Variants in TTN observed in about 807,000 individuals in gnomAD.
TTN encodes the protein titin.
A neutral mutation model predicts 3,223.0 loss-of-function variants in TTN; 1,525 were observed. That is an observed-to-expected ratio of 0.47 (90% CI 0.45 to 0.49). The LOEUF (loss-of-function observed/expected upper bound fraction) is 0.49, where lower values mean the gene tolerates loss of function less well. Among genes scored for constraint, TTN ranks in the 20% least tolerant of loss-of-function variants. The probability of loss-of-function intolerance (pLI) is 0.00; values close to 1 mark genes in which losing one functional copy is unlikely to be tolerated. For missense variants in TTN, 40,786 were observed against 43,424.0 expected (o/e 0.94, Z 5.40); for synonymous variants, 14,094 against 15,161.0 (o/e 0.93, Z 5.17).
intron 326 of TTN, chr2:178,558,874 G>T: frequency 8.0e-6 from 4 of 498,342 alleles, no homozygotes; most frequent in Non-Finnish European, 1.0e-5. Flanking sequence ...CAGATTAAAT[G>T]ATAAAATTTA....
chr2:178,541,074 G>A (rs952345246), intron 350 of TTN: 7 of 398,814 alleles, frequency 1.8e-5, no homozygotes, highest in African/African-American at 8.2e-5. Context: ...GCCAGAAATC[G>A]CTAGCAGCTG....
chr2:178,723,093 T>G lies in TTN; in HGVS notation c.21914A>C (p.Glu7305Ala), dbSNP rs1553911785. 2.5e-6 allele frequency: 4 copies of G among 1,613,654 alleles called. No homozygotes were observed. In the East Asian group the frequency reaches 8.9e-5, roughly 36 times the overall value. The change falls in exon 75 of 363, where the codon GAA (glutamate) becomes GCA (alanine). Residue 7305 changes from glutamate (E) to alanine (A), a missense_variant. By Grantham distance (107) the Glu-to-Ala change is moderately radical. Coordinates refer to ENST00000589042, the MANE Select transcript of TTN (RefSeq NM_001267550.2). ...RDAGQYSCEI[E>A]NEAGRDVCGA... ...ACAAACATCCCTTCCTGCCTCATTTTCAATCTCGCAGGAATACTGCCCTGC... is the reference window on the plus strand; with the variant it reads ...ACAAACATCCCTTCCTGCCTCATTTGCAATCTCGCAGGAATACTGCCCTGC...
Position 178,681,191 on chromosome 2 carries a change from TA to T in TTN, c.33248-21del, listed in dbSNP as rs746557991. Reference sequence around the variant, plus strand: ...CAGGCACTTTAAAGATATTAATTATTAAAGAGCATTAAAACCAACTCCTTGA... The same window carrying T: ...CAGGCACTTTAAAGATATTAATTATTAAGAGCATTAAAACCAACTCCTTGA... On this transcript the variant is annotated intron_variant, in intron 137 of 362. Coordinates refer to ENST00000589042, the MANE Select transcript of TTN (RefSeq NM_001267550.2). 1 of 1,578,972 alleles carries T rather than the reference TA, an allele frequency of 6.3e-7. No individual in the cohort carries two copies. The highest frequency in any genetic ancestry group is 1.9e-5 in the Admixed American group (1 of 53,092).
rs2057560011 is a variant in TTN, at chr2:178,617,491, T to C, written c.47594A>G (p.Asn15865Ser). Residue 15865 changes from asparagine to serine, a missense_variant, in exon 254 of 363, where the codon AAC (asparagine) becomes AGC (serine). By Grantham distance (46) the Asn-to-Ser change is conservative. Coordinates refer to ENST00000589042, the MANE Select transcript of TTN (RefSeq NM_001267550.2). ...DPIERPSPPV[N>S]LTSSDQTQSS... ...CTGAGTCTGATCTGAGGAAGTTAGG[T>C]TTACAGGAGGACTTGGTCTCTCTGG... The C allele has an allele frequency of 1.3e-6, 2 of 1,590,248 alleles. No individual in the cohort carries two copies.
intron 8 of TTN, 95 bp from the exon 9 acceptor site, chr2:178,793,636 TAA>T (rs1445706415): frequency 6.4e-7 from 1 of 1,562,790 alleles, no homozygotes; most frequent in East Asian, 2.3e-5. Context: ...AATCCTCTAC[TAA>T]AAAATACAAA....
In TTN at chr2:178,590,909, C is replaced by T. The variant is rs727504529; in HGVS notation, c.60816G>A (p.Pro20272=). The T allele has an allele frequency of 2.2e-5, 36 of 1,612,174 alleles. No homozygotes were observed. In the Middle Eastern group the frequency reaches 1.3e-3, roughly 59 times the overall value. Residue 20272 remains proline (P), a synonymous_variant, in exon 304 of 363, where the codon CCG becomes CCA. Coordinates refer to ENST00000589042, the MANE Select transcript of TTN (RefSeq NM_001267550.2). ...PTVAKHKFSP[P]SPPGKPVVTD... ...TAACCACTGGTTTACCAGGAGGAGA[C>T]GGAGGACTAAATTTATGCTTAGCAA...
At position 178,729,517 on chromosome 2, in the gene TTN, A is replaced by G. The variant is rs1578138382; in HGVS notation, c.18639T>C (p.Tyr6213=). The change falls in exon 64 of 363, where the codon TAT becomes TAC. Residue 6213 remains tyrosine, a synonymous_variant. Transcript: ENST00000589042. ...RELKPVEVVK[Y]SDVELECEVT... is the part of the protein sequence containing the mutation. ...CTTCACACTCCAGCTCCACGTCACT[A>G]TATTTTACTACCTCCACAGGCTTCA... The G allele has an allele frequency of 6.2e-7, 1 of 1,613,576 alleles. No homozygotes were observed. Among genetic ancestry groups the G allele is most frequent in the Non-Finnish European group, 8.5e-7 (1 of 1,179,640 alleles).
At chr2:178,743,111 G>C (rs1411744141) in intron 47 of TTN, 1 of 151,956 alleles carries the variant, frequency 6.6e-6, no homozygotes, top group Non-Finnish European at 1.5e-5. Context: ...TCTGTAAAGG[G>C]AGTGAATGTG....
intron 217 of TTN, among the ~76,000 whole-genome samples, chr2:178,645,501 G>A (rs2061798873): frequency 6.6e-6 from 1 of 152,006 alleles, no homozygotes; most frequent in South Asian, 2.1e-4. Context: ...AATTCTTTAA[G>A]AACAAAGTTT....
intron 98 of TTN, among the ~76,000 whole-genome samples, chr2:178,710,275 G>A (rs779435803): frequency 1.3e-4 from 20 of 152,036 alleles, no homozygotes; most frequent in Non-Finnish European, 1.6e-4. Flanking sequence ...GTGAAACCCC[G>A]TTTCTACCAA....
rs747241356 is a variant in TTN at position 178,610,359 on chromosome 2, G to T, written c.51167C>A (p.Ala17056Glu). The change falls in exon 271 of 363, where the codon GCA (alanine) becomes GAA (glutamate). Residue 17056 changes from alanine to glutamate, a missense_variant. Coordinates refer to ENST00000589042, the MANE Select transcript of TTN (RefSeq NM_001267550.2). ...ACAAGAACTCTTGGTAATGTCACTT[G>T]CTTTAATATCTTTGCATGGTCCAGG... ...GLPGPCKDIK[A>E]SDITKSSCKL... 6 of 1,612,666 alleles carry T rather than the reference G, an allele frequency of 3.7e-6. 1 individual carries two copies. The South Asian group carries it at 5.5e-5, about 15-fold the overall frequency.
intron 47 of TTN, among the ~76,000 whole-genome samples, chr2:178,743,387 A>T (rs972407061): frequency 6.6e-6 from 1 of 151,970 alleles, no homozygotes; most frequent in Non-Finnish European, 1.5e-5. Context: ...TGAGTCAGAA[A>T]ATAAAAAATT....
Position 178,780,053 on chromosome 2 carries a change from T to C in TTN, c.3676A>G (p.Arg1226Gly), listed in dbSNP as rs1389173519. 7 of 1,613,570 alleles carry C rather than the reference T, an allele frequency of 4.3e-6. No individual in the cohort carries two copies. The African/African-American group carries it at 8.0e-5, about 18-fold the overall frequency. ...ACAGTATCTTTGGCCATTTTCTTCC[T>C]AATTAAGGCTTGTTCTTTTTCATAC... is the stretch of plus-strand genomic sequence containing the variant. ...KEYEKEQALI[R>G]KKMAKDTVVV... The change falls in exon 22 of 363, where the codon AGG (arginine) becomes GGG (glycine). Residue 1226 changes from arginine to glycine, a missense_variant. Physicochemically the swap from Arg to Gly is moderately radical, Grantham distance 125. Transcript: ENST00000589042.
chr2:178,644,858 G>A (rs2061691725), intron 217 of TTN: 4 of 402,510 alleles, frequency 9.9e-6, no homozygotes, highest in African/African-American at 4.3e-5. Flanking sequence ...TTTTGTTATT[G>A]GCAGGAGGAA....
Position 178,564,064 on chromosome 2 carries a change from A to G in TTN, c.82068T>C (p.Gly27356=), listed in dbSNP as rs1163030188. ...QYILKLSNVG[G]TKSIPITVKV... is the part of the protein sequence containing the mutation. The stretch of plus-strand genomic sequence containing the variant: ...TTACAGTGATGGGTATAGACTTTGT[A>G]CCACCAACATTGCTGAGTTTCAGAA... The change falls in exon 326 of 363, where the codon GGT becomes GGC. Residue 27356 remains glycine (G), a synonymous_variant. Transcript: ENST00000589042. The G allele has an allele frequency of 6.2e-7, 1 of 1,613,644 alleles. No individual in the cohort carries two copies. The highest frequency in any genetic ancestry group is 8.5e-7 in the Non-Finnish European group (1 of 1,179,752).
At chr2:178,736,302 G>A (rs1465004180) in intron 49 of TTN, among the ~76,000 whole-genome samples, 1 of 152,156 alleles carries the variant, frequency 6.6e-6, no homozygotes. Context: ...TCAAAGAAAA[G>A]ACAAGCGTTC....
In TTN at chr2:178,613,734, G is replaced by A; in HGVS notation, c.49532+17C>T. Reference sequence around the variant, plus strand: ...TATACTGCTGTCTTAACATCTTGATGGGGATTCTGAGCATACCTGTATGTT... The same window carrying A: ...TATACTGCTGTCTTAACATCTTGATAGGGATTCTGAGCATACCTGTATGTT... On this transcript the variant is annotated intron_variant, in intron 263 of 362. Transcript: ENST00000589042. The A allele has an allele frequency of 1.9e-6, 3 of 1,607,924 alleles. No homozygotes were observed. The African/African-American group carries it at 4.0e-5, about 21-fold the overall frequency.
chr2:178,675,543 A>T, intron 149 of TTN, 128 bp downstream of exon 149: 1 of 733,296 alleles, frequency 1.4e-6, no homozygotes, highest in Non-Finnish European at 1.9e-6. Context: ...TGGGTGCAAA[A>T]GAGTCAGAAA....
chr2:178,692,184 C>A (rs1331280088), intron 120 of TTN, 85 bp from the exon 121 acceptor site: 1 of 1,273,804 alleles, frequency 7.9e-7, no homozygotes, highest in African/African-American at 1.5e-5. Context: ...CATAAATCTT[C>A]ACTAACAGTG....
Sources: allele counts gnomAD v4.1 joint callset (sites outside exome capture counted in the v4.1 genomes callset), GRCh38; gene constraint gnomAD v4.1.1; transcripts MANE v1.5; gene names NCBI Gene and HGNC (gene_info 2026-07-23, HGNC 2026-07-21).